Variants in ATP5PB observed in about 807,000 individuals in gnomAD.
ATP5PB encodes ATP synthase peripheral stalk-membrane subunit b, also known as ATP synthase peripheral stalk subunit b, mitochondrial.
A neutral mutation model predicts 34.5 loss-of-function variants in ATP5PB; 21 were observed. The observed-to-expected ratio is 0.61, with a 90% CI of 0.43 to 0.88. ATP5PB has a LOEUF of 0.88. Ranked by LOEUF, ATP5PB falls within the 40% of genes least tolerant of loss-of-function variation. ATP5PB has a pLI of 0.00. For missense variants in ATP5PB, 293 were observed against 317.4 expected, an observed-to-expected ratio of 0.92 and a Z score of 0.58; for synonymous variants, 108 against 114.1, an observed-to-expected ratio of 0.95 and a Z score of 0.34.
chr1:111,450,115 C>A (rs79705306), intron 2 of ATP5PB, among the ~76,000 whole-genome samples: 1 of 152,280 alleles, frequency 6.6e-6, no homozygotes, highest in African/African-American at 2.4e-5. Context: ...ATTGGTTTTG[C>A]TGTCTTCTAT....
rs1038015568 is a variant in ATP5PB, at chr1:111,462,095, C to T, written c.*1101C>T. On this transcript the variant is annotated 3_prime_UTR_variant, in exon 7 of 7. Coordinates refer to ENST00000369722, the MANE Select transcript of ATP5PB (RefSeq NM_001688.5). ...ACCATGATCCAGCAATCCCAGTCGACATATATACTCAAAAAAATTAAAAGC... is the reference window on the plus strand; with the variant it reads ...ACCATGATCCAGCAATCCCAGTCGATATATATACTCAAAAAAATTAAAAGC... 6.6e-6 allele frequency: 1 copy of T among 152,104 alleles called. No individual in the cohort carries two copies. The highest frequency in any genetic ancestry group is 2.4e-5 in the African/African-American group (1 of 41,396). 9.4% of individuals were successfully genotyped at this position (152,104 alleles called of 1,614,324 possible). A position where few individuals can be genotyped will look rare whatever the true frequency, so the allele number is the denominator to read the frequency against.
intron 6 of ATP5PB, 87 bp from the exon 7 acceptor site, chr1:111,460,830 A>T: frequency 9.1e-7 from 1 of 1,097,668 alleles, no homozygotes; most frequent in Non-Finnish European, 1.4e-6. Context: ...GTCTGGTAGG[A>T]GGTGTCTTTT....
At chr1:111,457,183 C>T (rs1354711452) in intron 5 of ATP5PB, among the ~76,000 whole-genome samples, 2 of 152,128 alleles carry the variant, frequency 1.3e-5, no homozygotes, top group South Asian at 2.1e-4. Context: ...CACAGTGGCT[C>T]ACACCTGTAA....
chr1:111,459,685 AAGT>A (rs769104112), intron 6 of ATP5PB, 49 bp downstream of exon 6: 9 of 1,564,730 alleles, frequency 5.8e-6, no homozygotes, highest in Non-Finnish European at 7.8e-6. Context: ...ATCTCTTAAC[AAGT>A]ATCTGCTGAT....
chr1:111,460,150 C>T lies in ATP5PB; in HGVS notation c.693+514C>T, dbSNP rs749967739. Among the ~76,000 whole-genome samples the T allele has an allele frequency of 8.7e-4, 133 of 152,092 alleles. 1 individual carries two copies. Among genetic ancestry groups the T allele is most frequent in the Non-Finnish European group, 1.2e-3 (85 of 68,008 alleles). Reference sequence around the variant, plus strand: ...TTGCACTCCAGCCTGGGTGAGAGAGCGAGACCCTGCCTCAAAAAATAAATA... The same window carrying T: ...TTGCACTCCAGCCTGGGTGAGAGAGTGAGACCCTGCCTCAAAAAATAAATA... On this transcript the variant is annotated intron_variant, in intron 6 of 6. Transcript: ENST00000369722.
chr1:111,451,399 C>T (rs1653330718), intron 2 of ATP5PB, among the ~76,000 whole-genome samples: 1 of 152,132 alleles, frequency 6.6e-6, no homozygotes, highest in Non-Finnish European at 1.5e-5. Context: ...TTTGTTGCTC[C>T]CTATCCGCTT....
At chr1:111,451,625 A>C (rs1259012138) in intron 2 of ATP5PB, among the ~76,000 whole-genome samples, 1 of 152,170 alleles carries the variant, frequency 6.6e-6, no homozygotes, top group Non-Finnish European at 1.5e-5. Flanking sequence ...AGGGCTTTAC[A>C]AATCTGGAGG....
At position 111,455,197 on chromosome 1, in the gene ATP5PB, A is replaced by G. The variant is rs1399299988; in HGVS notation, c.223+841A>G. 2.6e-5 allele frequency among the ~76,000 whole-genome samples: 4 copies of G among 152,100 alleles called. No individual in the cohort carries two copies. The East Asian group carries it at 5.8e-4, about 22-fold the overall frequency. On this transcript the variant is annotated intron_variant, in intron 3 of 6. Transcript: ENST00000369722. ...GAGTCACCTAAAGTAGCATTTTCCT[A>G]ACTGAAATTGCTAGAAACATTAGTC...
rs892175121 is a variant in ATP5PB at position 111,449,820 on chromosome 1, G to C, written c.41-17G>C. On this transcript the variant is annotated splice_polypyrimidine_tract_variant and intron_variant, in intron 1 of 6. Coordinates refer to ENST00000369722, the MANE Select transcript of ATP5PB (RefSeq NM_001688.5). ...ATTTCATTTGACTTTGCTGACCTTC[G>C]CCTTGTCTATCTGCAGCCCCCTCTC... 3.7e-6 allele frequency: 6 copies of C among 1,614,058 alleles called. No homozygotes were observed. In the African/African-American group the frequency reaches 4.0e-5, roughly 11 times the overall value.
At chr1:111,450,008 A>G in intron 2 of ATP5PB, 135 bp downstream of exon 2, 1 of 1,112,426 alleles carries the variant, frequency 9.0e-7, no homozygotes, top group Non-Finnish European at 1.3e-6. Context: ...CCTCTTTCAG[A>G]CAAGACACTT....
chr1:111,456,340 A>G, intron 4 of ATP5PB, 91 bp downstream of exon 4: 2 of 1,316,976 alleles, frequency 1.5e-6, no homozygotes, highest in East Asian at 2.4e-5. Flanking sequence ...TAGGGGAGCA[A>G]CATATAGAAA....
intron 2 of ATP5PB, 76 bp downstream of exon 2, chr1:111,449,949 T>G: frequency 6.3e-7 from 1 of 1,584,762 alleles, no homozygotes; most frequent in Non-Finnish European, 8.7e-7. Context: ...CCCCACCCCC[T>G]TAGCTTTAGG....
chr1:111,457,896 G>C (rs985430420), intron 5 of ATP5PB, among the ~76,000 whole-genome samples: 1 of 152,180 alleles, frequency 6.6e-6, no homozygotes, highest in East Asian at 1.9e-4. Flanking sequence ...ATACACACAC[G>C]TGAATGCATG....
rs938112301 is a variant in ATP5PB at position 111,461,006 on chromosome 1, C to G, written c.*12C>G. On this transcript the variant is annotated 3_prime_UTR_variant, in exon 7 of 7. Transcript: ENST00000369722. The stretch of plus-strand genomic sequence containing the variant: ...AGCCAGTTATGTAAATGTATCTATC[C>G]CAATTGAGACAGCTAGAAACAGTTG... 3.1e-6 allele frequency: 5 copies of G among 1,608,890 alleles called. No homozygotes were observed. The African/African-American group carries it at 5.4e-5, about 17-fold the overall frequency.
rs935082748 is a variant in ATP5PB, at chr1:111,456,245, A to G, written c.383A>G (p.Asn128Ser). The stretch of plus-strand genomic sequence containing the variant: ...GTTGCAGACTTTGCTGATAAACTCA[A>G]TGAGGTAAGAACCATAAACTTTATT... ...PFVADFADKL[N>S]EQKLAQLEEA... The change falls in exon 4 of 7, where the codon AAT becomes AGT. Residue 128 changes from asparagine (N) to serine (S), a missense_variant. By Grantham distance (46) the Asn-to-Ser change is conservative (BLOSUM62 1). Transcript: ENST00000369722. 1.2e-6 allele frequency: 2 copies of G among 1,601,590 alleles called. No individual in the cohort carries two copies. The highest frequency in any genetic ancestry group is 1.7e-4 in the Middle Eastern group (1 of 6,000).
chr1:111,454,566 C>G (rs1653416982), intron 3 of ATP5PB, among the ~76,000 whole-genome samples: 1 of 152,088 alleles, frequency 6.6e-6, no homozygotes, highest in Non-Finnish European at 1.5e-5. Context: ...ATCCTCCCAC[C>G]TCAGCCTCCC....
At chr1:111,458,373 G>T (rs1557801416) in intron 5 of ATP5PB, among the ~76,000 whole-genome samples, 1 of 152,230 alleles carries the variant, frequency 6.6e-6, no homozygotes, top group African/African-American at 2.4e-5. Flanking sequence ...TGTTTTTATA[G>T]GGCATTCAAG....
intron 3 of ATP5PB, among the ~76,000 whole-genome samples, chr1:111,455,718 T>A (rs1653452854): frequency 6.6e-6 from 1 of 152,220 alleles, no homozygotes; most frequent in Non-Finnish European, 1.5e-5. Context: ...ACAAATTACT[T>A]CAGAAAGTTA....
Position 111,449,496 on chromosome 1 carries a change from C to T in ATP5PB, c.-46C>T, listed in dbSNP as rs1394828877. 9 of 1,614,104 alleles carry T rather than the reference C, an allele frequency of 5.6e-6. No individual in the cohort carries two copies. Among genetic ancestry groups the T allele is most frequent in the East Asian group, 2.2e-5 (1 of 44,894 alleles). On this transcript the variant is annotated 5_prime_UTR_variant, in exon 1 of 7. Transcript: ENST00000369722. ...GTCCTGCCCTGACAGATTCTCCTAT[C>T]GGGGTCACAGGGACGCTAAGATTGC... is the stretch of plus-strand genomic sequence containing the variant.
Sources: allele counts gnomAD v4.1 joint callset (sites outside exome capture counted in the v4.1 genomes callset), GRCh38; gene constraint gnomAD v4.1.1; transcripts MANE v1.5; gene names NCBI Gene and HGNC (gene_info 2026-07-23, HGNC 2026-07-21).